HEXB: variants seen among roughly 807,000 people sequenced by gnomAD.
HEXB encodes hexosaminidase subunit beta.
Under a neutral mutation model 71.2 loss-of-function variants are expected in HEXB, and 51 were observed. The observed-to-expected ratio is 0.72, with a 90% CI of 0.57 to 0.90. HEXB has a LOEUF of 0.90. Ranked by LOEUF, HEXB falls within the 40% of genes least tolerant of loss-of-function variation. The pLI is 0.00. For missense variants in HEXB, 617 were observed against 677.0 expected (o/e 0.91, Z 0.98); for synonymous variants, 266 against 249.3 (o/e 1.07, Z -0.63).
At position 74,679,798 on chromosome 5, in the gene HEXB, C is replaced by CAAAAAAAAAA. The variant is rs70976121; in HGVS notation, c.-376-9512_-376-9503dup. On this transcript the variant is annotated intron_variant, in intron 1 of 13. Coordinates refer to the HEXB transcript ENST00000511181. ...CTGGTGACAGCGCGAGACTCCGTCT[C>CAAAAAAAAAA]AAAAAAAAAAAAAAAAAAAAAAAAA... 7.7e-4 allele frequency among the ~76,000 whole-genome samples: 30 copies of CAAAAAAAAAA among 38,924 alleles called. 3 individuals are homozygous for CAAAAAAAAAA. The highest frequency in any genetic ancestry group is 1.6e-3 in the East Asian group (2 of 1,266). 25.5% of individuals were successfully genotyped at this position (38,924 alleles called of 152,430 possible).
chr5:74,704,198 T>G (rs1749325979), intron 5 of HEXB, among the ~76,000 whole-genome samples: 1 of 152,184 alleles, frequency 6.6e-6, no homozygotes, highest in Non-Finnish European at 1.5e-5. Context: ...CCTATATTTC[T>G]GGCTCCCTTC....
Position 74,713,567 on chromosome 5 carries a change from C to G in HEXB, c.833C>G (p.Ala278Gly), listed in dbSNP as rs886044118. ...GATGTCCGTATGGTGATTGAATATG[C>G]CAGATTACGAGGAATTCGAGTCCTG... ...PNDVRMVIEYARLRGIRVLPE... is the reference protein window; with the variant it reads ...PNDVRMVIEYGRLRGIRVLPE... The change falls in exon 7 of 14, where the codon GCC (alanine) becomes GGC (glycine). Residue 278 changes from alanine to glycine, a missense_variant. Coordinates refer to ENST00000261416, the MANE Select transcript of HEXB (RefSeq NM_000521.4). The G allele has an allele frequency of 1.2e-6, 2 of 1,611,952 alleles. No homozygotes were observed. The highest frequency in any genetic ancestry group is 1.3e-5 in the African/African-American group (1 of 74,968).
intron 2 of HEXB, 59 bp downstream of exon 2, chr5:74,689,532 T>G (rs73114738): frequency 1.9e-5 from 26 of 1,403,916 alleles, no homozygotes; most frequent in Non-Finnish European, 2.6e-5. Flanking sequence ...CGGACTTAAG[T>G]GCCAAAAACT....
chr5:74,660,689 A>T (rs1245961110), intron 1 of HEXB, among the ~76,000 whole-genome samples: 1 of 152,212 alleles, frequency 6.6e-6, no homozygotes, highest in Non-Finnish European at 1.5e-5. Context: ...TGCAATCCCA[A>T]TACAAAACTC....
At chr5:74,678,817 ATACTCCATTT>A (rs1748683170) in intron 1 of HEXB, among the ~76,000 whole-genome samples, 1 of 152,242 alleles carries the variant, frequency 6.6e-6, no homozygotes, top group Admixed American at 6.5e-5. Flanking sequence ...GCACAGATGG[ATACTCCATTT>A]AAAAATCACC....
At chr5:74,720,993 G>A (rs1749831729) in intron 13 of HEXB, 125 bp from the exon 14 acceptor site, 1 of 907,114 alleles carries the variant, frequency 1.1e-6, no homozygotes, top group Non-Finnish European at 1.8e-6. Context: ...CTTATTTTCA[G>A]TAATGCTGTG....
In HEXB at chr5:74,711,408, T is replaced by C. The variant is rs1387081721; in HGVS notation, c.772-2098T>C. ...TTCATGTCTAAAACACCAAAAGCAATGGCAACAAAAGCCAAAATTGACAAA... is the reference window on the plus strand; with the variant it reads ...TTCATGTCTAAAACACCAAAAGCAACGGCAACAAAAGCCAAAATTGACAAA... On this transcript the variant is annotated intron_variant, in intron 6 of 13. Coordinates refer to ENST00000261416, the MANE Select transcript of HEXB (RefSeq NM_000521.4). Among the ~76,000 whole-genome samples, 12 of 151,292 alleles carry C rather than the reference T, an allele frequency of 7.9e-5. 1 individual carries two copies. The South Asian group carries it at 2.3e-3, about 29-fold the overall frequency.
At chr5:74,659,332 AGGAGCACATTAAGCTTGAAACACGC>A (rs2112085926) in intron 1 of HEXB, among the ~76,000 whole-genome samples, 1 of 152,328 alleles carries the variant, frequency 6.6e-6, no homozygotes, top group Admixed American at 6.5e-5. Context: ...GGTCAGGGCC[AGGAGCACATTAAGCTTGAAACACGC>A]TGGACAGCAC....
chr5:74,696,899 A>G, intron 4 of HEXB, 97 bp from the exon 5 acceptor site: 1 of 779,034 alleles, frequency 1.3e-6, no homozygotes, highest in South Asian at 1.5e-5. Flanking sequence ...TTCTAAATTA[A>G]TATTTTATGA....
intron 1 of HEXB, among the ~76,000 whole-genome samples, chr5:74,659,421 C>G (rs916998134): frequency 6.6e-6 from 1 of 152,198 alleles, no homozygotes; most frequent in African/African-American, 2.4e-5. Context: ...GACAAGGCCA[C>G]TTGTCTGTCT....
chr5:74,687,915 A>T (rs922391388), intron 1 of HEXB, among the ~76,000 whole-genome samples: 4 of 151,346 alleles, frequency 2.6e-5, no homozygotes, highest in African/African-American at 9.7e-5. Flanking sequence ...ACGTTCTTAC[A>T]CATAAGTAGC....
At chr5:74,700,880 A>G (rs921532464) in intron 5 of HEXB, among the ~76,000 whole-genome samples, 3 of 151,478 alleles carry the variant, frequency 2.0e-5, no homozygotes, top group Non-Finnish European at 4.4e-5. Context: ...GCTAATTTTT[A>G]TATTTTTAGT....
chr5:74,680,149 C>T (rs1054909221), intron 1 of HEXB, among the ~76,000 whole-genome samples: 1 of 152,164 alleles, frequency 6.6e-6, no homozygotes, highest in Non-Finnish European at 1.5e-5. Flanking sequence ...GGGATACTAT[C>T]TTTCATGAAA....
Position 74,652,541 on chromosome 5 carries a change from A to T in HEXB, c.-377+11983A>T, listed in dbSNP as rs1748137995. Among the ~76,000 whole-genome samples, 1 of 152,324 alleles carries T rather than the reference A, an allele frequency of 6.6e-6. No homozygotes were observed. The highest frequency in any genetic ancestry group is 2.1e-4 in the South Asian group (1 of 4,822). ...AGTTGGGTATAGTTAGGACAAACAG[A>T]CCATAAGAAAATGTAACTTAATTTT... is the stretch of plus-strand genomic sequence containing the variant. On this transcript the variant is annotated intron_variant, in intron 1 of 13. Coordinates refer to the HEXB transcript ENST00000511181. The surrounding 1 kb of genome is among the most constrained non-coding windows in gnomAD (Gnocchi z 5.4).
chr5:74,721,110 A>G lies in HEXB; in HGVS notation c.1614-8A>G, dbSNP rs745567727. 1 of 1,600,600 alleles carries G rather than the reference A, an allele frequency of 6.2e-7. No homozygotes were observed. Among genetic ancestry groups the G allele is most frequent in the Non-Finnish European group, 8.6e-7 (1 of 1,167,828 alleles). ...AATCTAAAATATCTTTATTCATGTT[A>G]TCTACAGACGTGGAATAGCTGCACA... On this transcript the variant is annotated splice_polypyrimidine_tract_variant and splice_region_variant and intron_variant, in intron 13 of 13. Coordinates refer to ENST00000261416, the MANE Select transcript of HEXB (RefSeq NM_000521.4).
At chr5:74,646,660 C>T (rs1452631293) in intron 1 of HEXB, among the ~76,000 whole-genome samples, 3 of 151,776 alleles carry the variant, frequency 2.0e-5, no homozygotes, top group East Asian at 1.9e-4. Flanking sequence ...CTCTGCCCTC[C>T]GAGTTCAAGC....
At chr5:74,715,746 G>A in intron 8 of HEXB, 56 bp downstream of exon 8, 3 of 1,257,938 alleles carry the variant, frequency 2.4e-6, no homozygotes, top group Admixed American at 3.4e-5. Context: ...GCTGGGTGCG[G>A]TGGCTCACGC....
Position 74,721,116 on chromosome 5 carries a change from AGACGTGGAATAGCT to A in HEXB, c.1614_1627del (p.Glu538AspfsTer10). On this transcript the variant is annotated splice_acceptor_variant and coding_sequence_variant, in exon 14 of 14. Coordinates refer to ENST00000261416, the MANE Select transcript of HEXB (RefSeq NM_000521.4). LOFTEE classifies it high-confidence loss of function. ...AAATATCTTTATTCATGTTATCTAC[AGACGTGGAATAGCT>A]GCACAACCTCTTTATGCTGGATATT... 6.2e-7 allele frequency: 1 copy of A among 1,605,864 alleles called. No individual in the cohort carries two copies. Among genetic ancestry groups the A allele is most frequent in the Non-Finnish European group, 8.5e-7 (1 of 1,172,590 alleles).
At chr5:74,658,044 C>T (rs1237487655) in intron 1 of HEXB, among the ~76,000 whole-genome samples, 1 of 152,158 alleles carries the variant, frequency 6.6e-6, no homozygotes, top group African/African-American at 2.4e-5. Flanking sequence ...ATGTCTACTG[C>T]CTGTGAATCC....
Sources: allele counts gnomAD v4.1 joint callset (sites outside exome capture counted in the v4.1 genomes callset), GRCh38; gene constraint gnomAD v4.1.1; non-coding constraint Gnocchi (gnomAD v3.1); transcripts MANE v1.5; gene names NCBI Gene and HGNC (gene_info 2026-07-23, HGNC 2026-07-21).